The following RNF13 variants were observed in gnomAD, a reference collection of about 807,000 sequenced individuals.
RNF13 encodes the protein E3 ubiquitin-protein ligase RNF13.
In RNF13, 19 loss-of-function variants were observed where a neutral mutation model predicts 37.7. That is an observed-to-expected ratio of 0.50 (90% CI 0.35 to 0.74). The LOEUF (loss-of-function observed/expected upper bound fraction) is 0.74, where lower values mean the gene tolerates loss of function less well. Among genes scored for constraint, RNF13 ranks in the 30% least tolerant of loss-of-function variants. The pLI is 0.01. For synonymous variants in RNF13, 144 were observed against 157.8 expected, an observed-to-expected ratio of 0.91 and a Z score of 0.65; for missense variants, 375 against 453.0, an observed-to-expected ratio of 0.83 and a Z score of 1.56.
intron 8 of RNF13, among the ~76,000 whole-genome samples, chr3:149,945,002 G>A (rs1256444717): frequency 6.6e-6 from 1 of 152,114 alleles, no homozygotes; most frequent in East Asian, 1.9e-4. Flanking sequence ...TATAAGGAAG[G>A]GATCCAGTTT....
chr3:149,939,661 G>T, intron 8 of RNF13: 1 of 722,770 alleles, frequency 1.4e-6, no homozygotes, highest in Non-Finnish European at 2.4e-6. Flanking sequence ...TGAAATCACC[G>T]TTCTTAAAGA....
intron 8 of RNF13, among the ~76,000 whole-genome samples, chr3:149,925,272 C>T (rs1458367820): frequency 6.6e-6 from 1 of 152,104 alleles, no homozygotes; most frequent in Non-Finnish European, 1.5e-5. Context: ...AACATTTATA[C>T]AGAAGAGTAT....
intron 1 of RNF13, among the ~76,000 whole-genome samples, chr3:149,822,366 G>T (rs1720069381): frequency 6.6e-6 from 1 of 151,890 alleles, no homozygotes; most frequent in Admixed American, 6.6e-5. Flanking sequence ...TTATTCCTGG[G>T]TATTGTATTC....
chr3:149,878,402 C>A (rs1712999004), intron 4 of RNF13, among the ~76,000 whole-genome samples: 1 of 152,154 alleles, frequency 6.6e-6, no homozygotes, highest in Non-Finnish European at 1.5e-5. Context: ...CTGATACTCT[C>A]TTCTGAGGAG....
At chr3:149,895,766 T>C (rs1324588881) in intron 5 of RNF13, among the ~76,000 whole-genome samples, 1 of 152,176 alleles carries the variant, frequency 6.6e-6, no homozygotes, top group Non-Finnish European at 1.5e-5. Context: ...TTTAAACATA[T>C]ATGTTTTATT....
At chr3:149,889,175 G>A (rs1186956814) in intron 4 of RNF13, among the ~76,000 whole-genome samples, 1 of 151,562 alleles carries the variant, frequency 6.6e-6, no homozygotes, top group Non-Finnish European at 1.5e-5. Flanking sequence ...TTGACCTCAT[G>A]ATCCCCCCGA....
At chr3:149,855,257 T>C (rs992163397) in intron 3 of RNF13, among the ~76,000 whole-genome samples, 1 of 152,202 alleles carries the variant, frequency 6.6e-6, no homozygotes, top group African/African-American at 2.4e-5. Context: ...AAGGTGAGGT[T>C]GCAGTGAGCC....
intron 4 of RNF13, among the ~76,000 whole-genome samples, chr3:149,875,351 G>C (rs1712562641): frequency 6.6e-6 from 1 of 152,132 alleles, no homozygotes; most frequent in African/African-American, 2.4e-5. Context: ...AGTTATTCCA[G>C]ATGATTAATG....
At chr3:149,891,478 C>G (rs1003157302) in intron 4 of RNF13, among the ~76,000 whole-genome samples, 3 of 152,228 alleles carry the variant, frequency 2.0e-5, no homozygotes, top group African/African-American at 7.2e-5. Flanking sequence ...AGTCTGCTAT[C>G]TTCTGACAGA....
At chr3:149,877,307 C>T (rs1283961797) in intron 4 of RNF13, among the ~76,000 whole-genome samples, 2 of 152,090 alleles carry the variant, frequency 1.3e-5, no homozygotes, top group African/African-American at 4.8e-5. Context: ...CCATTTGCTT[C>T]ATGTTCATTT....
intron 2 of RNF13, among the ~76,000 whole-genome samples, chr3:149,849,938 C>G (rs1224119033): frequency 6.6e-6 from 1 of 151,430 alleles, no homozygotes; most frequent in Non-Finnish European, 1.5e-5. Flanking sequence ...GTGGTAATCA[C>G]TAAGAATGGG....
At chr3:149,884,853 G>GT (rs1713838751) in intron 4 of RNF13, among the ~76,000 whole-genome samples, 1 of 150,734 alleles carries the variant, frequency 6.6e-6, no homozygotes, top group East Asian at 1.9e-4. Context: ...TTTATTCTGT[G>GT]TGTGTGTGTG....
chr3:149,937,046 G>A (rs747710763), intron 8 of RNF13, among the ~76,000 whole-genome samples: 3 of 152,110 alleles, frequency 2.0e-5, no homozygotes, highest in Non-Finnish European at 2.9e-5. Context: ...GAGTTTGTGC[G>A]CAGAGGACCC....
rs567732147 is a variant in RNF13 at position 149,879,382 on chromosome 3, A to G, written c.321+7228A>G. Among the ~76,000 whole-genome samples the G allele has an allele frequency of 2.7e-5, 4 of 147,812 alleles. No individual in the cohort carries two copies. In the South Asian group the frequency reaches 6.3e-4, roughly 23 times the overall value. Reference sequence around the variant, plus strand: ...GAGTGCAGTGGCATGAACATGGCTCACTGCAGCCTTGACCTCCTGGGGCTC... The same window carrying G: ...GAGTGCAGTGGCATGAACATGGCTCGCTGCAGCCTTGACCTCCTGGGGCTC... On this transcript the variant is annotated intron_variant, in intron 4 of 9. Transcript: ENST00000392894.
intron 1 of RNF13, among the ~76,000 whole-genome samples, chr3:149,838,454 C>G: frequency 6.6e-6 from 1 of 152,248 alleles, no homozygotes; most frequent in East Asian, 1.9e-4. Flanking sequence ...CATTTCCATA[C>G]AGATTCTGTA....
chr3:149,831,497 G>A (rs549220223), intron 1 of RNF13, among the ~76,000 whole-genome samples: 1 of 152,268 alleles, frequency 6.6e-6, no homozygotes, highest in African/African-American at 2.4e-5. Flanking sequence ...TACCCCCCTT[G>A]TTTCTGCCAG....
intron 3 of RNF13, among the ~76,000 whole-genome samples, chr3:149,862,498 A>G (rs1033710092): frequency 6.6e-6 from 1 of 151,988 alleles, no homozygotes; most frequent in Non-Finnish European, 1.5e-5. Flanking sequence ...TATTTTTTCT[A>G]CCATATATGC....
chr3:149,842,021 T>G (rs1559900356), intron 1 of RNF13, among the ~76,000 whole-genome samples: 1 of 152,184 alleles, frequency 6.6e-6, no homozygotes, highest in Non-Finnish European at 1.5e-5. Context: ...CCCCCCACAT[T>G]CATTTTAAAG....
intron 3 of RNF13, among the ~76,000 whole-genome samples, chr3:149,860,566 T>C (rs142823746): frequency 9.9e-5 from 15 of 152,054 alleles, no homozygotes; most frequent in Non-Finnish European, 1.8e-4. Flanking sequence ...TGGATATCCA[T>C]ATGCAGAAGA....
Sources: allele counts gnomAD v4.1 joint callset (sites outside exome capture counted in the v4.1 genomes callset), GRCh38; gene constraint gnomAD v4.1.1; transcripts MANE v1.5; gene names NCBI Gene and HGNC (gene_info 2026-07-23, HGNC 2026-07-21).